Variants in NR1H4 observed in about 807,000 individuals in gnomAD.
NR1H4 encodes the protein nuclear receptor subfamily 1 group H member 4.
In NR1H4, 23 loss-of-function variants were observed where a neutral mutation model predicts 58.5. The ratio of observed to expected loss-of-function variants is 0.39; its 90% CI spans 0.28 to 0.56. The LOEUF (loss-of-function observed/expected upper bound fraction) is 0.56, where lower values mean the gene tolerates loss of function less well. Ranked by LOEUF, NR1H4 falls within the 20% of genes least tolerant of loss-of-function variation. NR1H4 has a pLI of 0.58. For synonymous variants in NR1H4, 214 were observed against 198.0 expected (o/e 1.08, Z -0.68); for missense variants, 487 against 576.9 (o/e 0.84, Z 1.60).
At chr12:100,546,968 G>A (rs1955085443) in intron 9 of NR1H4, among the ~76,000 whole-genome samples, 1 of 152,126 alleles carries the variant, frequency 6.6e-6, no homozygotes, top group Non-Finnish European at 1.5e-5. Flanking sequence ...AACTGAAACA[G>A]TATGACTGGC....
chr12:100,550,508 G>C (rs1955180545), intron 9 of NR1H4, among the ~76,000 whole-genome samples: 1 of 152,064 alleles, frequency 6.6e-6, no homozygotes, highest in Admixed American at 6.6e-5. Context: ...GGGGTTACAG[G>C]CGACAGGCAA....
intron 1 of NR1H4, among the ~76,000 whole-genome samples, chr12:100,490,927 C>T (rs1323950266): frequency 6.6e-6 from 1 of 152,156 alleles, no homozygotes; most frequent in Admixed American, 6.5e-5. Flanking sequence ...AGTAGCTTGG[C>T]TGGGACTACA....
Position 100,506,032 on chromosome 12 carries a change from CACACACACACAG to C in NR1H4, c.80-4744_80-4733del, listed in dbSNP as rs977038047. On this transcript the variant is annotated intron_variant, in intron 3 of 10. Coordinates refer to ENST00000392986, the MANE Select transcript of NR1H4 (RefSeq NM_001206979.2). ...ACACACACACACACACACACACACA[CACACACACACAG>C]AGAGAGAGAGAGAACATGAGCATAT... Among the ~76,000 whole-genome samples, 26 of 141,718 alleles carry C rather than the reference CACACACACACAG, an allele frequency of 1.8e-4. No individual in the cohort carries two copies. In the East Asian group the frequency reaches 4.1e-3, roughly 22 times the overall value. The allele number at this position is 141,718 out of a possible 152,430, so 93.0% of individuals were successfully genotyped here.
At chr12:100,488,566 A>G (rs1202320881) in intron 1 of NR1H4, among the ~76,000 whole-genome samples, 3 of 152,248 alleles carry the variant, frequency 2.0e-5, no homozygotes, top group Non-Finnish European at 4.4e-5. Context: ...AAATATGATA[A>G]AATGACCAAT....
At chr12:100,499,110 A>G (rs1953778161) in intron 3 of NR1H4, among the ~76,000 whole-genome samples, 1 of 152,126 alleles carries the variant, frequency 6.6e-6, no homozygotes, top group Admixed American at 6.6e-5. Flanking sequence ...CTTCCCTATG[A>G]CTTATGCTTA....
At chr12:100,519,200 A>T (rs983410173) in intron 4 of NR1H4, among the ~76,000 whole-genome samples, 5 of 152,158 alleles carry the variant, frequency 3.3e-5, no homozygotes, top group Non-Finnish European at 5.9e-5. Flanking sequence ...TTTATTTTTT[A>T]AAATTGGATT....
intron 4 of NR1H4, among the ~76,000 whole-genome samples, chr12:100,515,067 A>AT (rs1954226511): frequency 6.6e-6 from 1 of 150,894 alleles, no homozygotes; most frequent in African/African-American, 2.4e-5. Flanking sequence ...CGAAGAATTG[A>AT]TTCAACCAAA....
intron 4 of NR1H4, among the ~76,000 whole-genome samples, chr12:100,518,890 T>A (rs867212413): frequency 2.7e-5 from 4 of 149,720 alleles, no homozygotes; most frequent in African/African-American, 9.9e-5. Flanking sequence ...TGGGTTCAAG[T>A]GATTCTCCTG....
intron 1 of NR1H4, 131 bp downstream of exon 1, chr12:100,474,190 T>G (rs533661508): frequency 3.3e-5 from 5 of 152,252 alleles, no homozygotes; most frequent in African/African-American, 1.2e-4. Flanking sequence ...TAGAGTTTGA[T>G]GTAAAGTCCT....
chr12:100,505,573 AG>A, intron 3 of NR1H4: 1 of 700,970 alleles, frequency 1.4e-6, no homozygotes, highest in Admixed American at 2.0e-5. Context: ...CTTTCTTTTC[AG>A]GGCTTCTCAG....
At chr12:100,524,066 A>AAC (rs1954494665) in intron 4 of NR1H4, among the ~76,000 whole-genome samples, 1 of 152,242 alleles carries the variant, frequency 6.6e-6, no homozygotes, top group Non-Finnish European at 1.5e-5. Context: ...ATTTCACATA[A>AAC]ACATATAGGT....
intron 1 of NR1H4, among the ~76,000 whole-genome samples, chr12:100,483,803 G>A (rs1953431694): frequency 1.3e-5 from 2 of 152,012 alleles, no homozygotes; most frequent in Middle Eastern, 3.2e-3. Context: ...GGCCAACATG[G>A]TGAAACCCTG....
chr12:100,547,705 T>TTTTATTTATTTA (rs146393173), intron 9 of NR1H4, among the ~76,000 whole-genome samples: 8 of 149,772 alleles, frequency 5.3e-5, no homozygotes, highest in South Asian at 4.3e-4. Flanking sequence ...TATTCCTTTG[T>TTTTATTTATTTA]TTTATTTATT....
intron 1 of NR1H4, among the ~76,000 whole-genome samples, chr12:100,482,355 C>T (rs1953400264): frequency 6.6e-6 from 1 of 151,958 alleles, no homozygotes; most frequent in Non-Finnish European, 1.5e-5. Context: ...CCTCTATTCA[C>T]TAATTTCTGT....
chr12:100,486,115 G>A (rs1953486258), intron 1 of NR1H4, among the ~76,000 whole-genome samples: 1 of 152,048 alleles, frequency 6.6e-6, no homozygotes, highest in Non-Finnish European at 1.5e-5. Flanking sequence ...GTGTCTGGGT[G>A]GTAGTGTCAG....
intron 8 of NR1H4, among the ~76,000 whole-genome samples, chr12:100,539,290 C>T (rs1005083741): frequency 6.6e-6 from 1 of 152,106 alleles, no homozygotes; most frequent in Non-Finnish European, 1.5e-5. Context: ...AGCATTATTA[C>T]AAGTAGTAAC....
chr12:100,537,014 C>G lies in NR1H4; in HGVS notation c.898C>G (p.Gln300Glu). The G allele has an allele frequency of 6.2e-7, 1 of 1,606,388 alleles. No homozygotes were observed. The highest frequency in any genetic ancestry group is 8.5e-7 in the Non-Finnish European group (1 of 1,176,318). Reference sequence around the variant, plus strand: ...GACGGAAATGGCAACCAATCATGTACAGGTTCTTGTAGAATTCACAAAAAA... The same window carrying G: ...GACGGAAATGGCAACCAATCATGTAGAGGTTCTTGTAGAATTCACAAAAAA... ...ILTEMATNHV[Q>E]VLVEFTKKLP... The change falls in exon 8 of 11, where the codon CAG (glutamine) becomes GAG (glutamate). Residue 300 changes from glutamine (Q) to glutamate (E), a missense_variant. By Grantham distance (29) the Gln-to-Glu change is conservative. Coordinates refer to ENST00000392986, the MANE Select transcript of NR1H4 (RefSeq NM_001206979.2).
intron 4 of NR1H4, among the ~76,000 whole-genome samples, chr12:100,520,820 A>T (rs1954397335): frequency 6.6e-6 from 1 of 152,200 alleles, no homozygotes; most frequent in African/African-American, 2.4e-5. Flanking sequence ...CTGCGAAGGA[A>T]GTCTGGGCAA....
rs1441036578 is a variant in NR1H4, at chr12:100,493,345, A to G, written c.22A>G (p.Ile8Val). The change falls in exon 3 of 11, where the codon ATT (isoleucine) becomes GTT (valine). Residue 8 changes from isoleucine (I) to valine (V), a missense_variant. By Grantham distance (29) the Ile-to-Val change is conservative. Coordinates refer to ENST00000392986, the MANE Select transcript of NR1H4 (RefSeq NM_001206979.2). The part of the protein sequence containing the change: MGSKMNL[I>V]EHSHLPTTDE... ...TTGGATGGGATCAAAAATGAATCTC[A>G]TTGAACATTCCCATTTACCTACCAC... 1.3e-6 allele frequency: 2 copies of G among 1,574,454 alleles called. No individual in the cohort carries two copies. The highest frequency in any genetic ancestry group is 1.7e-6 in the Non-Finnish European group (2 of 1,148,612).
Sources: allele counts gnomAD v4.1 joint callset (sites outside exome capture counted in the v4.1 genomes callset), GRCh38; gene constraint gnomAD v4.1.1; transcripts MANE v1.5; gene names NCBI Gene and HGNC (gene_info 2026-07-23, HGNC 2026-07-21).